MAPK10: variants seen among roughly 807,000 people sequenced by gnomAD.
MAPK10 encodes JNK3 alpha protein kinase.
In MAPK10, 25 loss-of-function variants were observed where a neutral mutation model predicts 59.3. That is an observed-to-expected ratio of 0.42 (90% CI 0.31 to 0.59). The LOEUF (loss-of-function observed/expected upper bound fraction) is 0.59, where lower values mean the gene tolerates loss of function less well. Ranked by LOEUF, MAPK10 falls within the 20% of genes least tolerant of loss-of-function variation. The pLI, the probability that MAPK10 is intolerant of heterozygous loss-of-function variation, is 0.15. For synonymous variants in MAPK10, 190 were observed against 200.5 expected, an observed-to-expected ratio of 0.95 and a Z score of 0.44; for missense variants, 351 against 568.9, an observed-to-expected ratio of 0.62 and a Z score of 3.90.
chr4:86,105,888 C>T (rs1026725321), intron 5 of MAPK10, among the ~76,000 whole-genome samples: 1 of 152,062 alleles, frequency 6.6e-6, no homozygotes, highest in Non-Finnish European at 1.5e-5. Flanking sequence ...CCTATCCCAC[C>T]ATACACTGAC....
At chr4:86,430,808 T>C (rs1747945524) in intron 1 of MAPK10, among the ~76,000 whole-genome samples, 1 of 152,174 alleles carries the variant, frequency 6.6e-6, no homozygotes, top group South Asian at 2.1e-4. Context: ...CAAACGAGGC[T>C]ACAGAGGTAG....
chr4:86,034,347 A>T (rs1346421023), intron 11 of MAPK10, among the ~76,000 whole-genome samples: 1 of 152,238 alleles, frequency 6.6e-6, no homozygotes, highest in Admixed American at 6.5e-5. Context: ...ACAATAACTT[A>T]AAATGGATTA....
intron 2 of MAPK10, among the ~76,000 whole-genome samples, chr4:86,217,846 T>C (rs1343815645): frequency 1.3e-5 from 2 of 152,044 alleles, no homozygotes; most frequent in Non-Finnish European, 2.9e-5. Context: ...TAAATAACAG[T>C]TCACATCACA....
chr4:86,274,536 T>C (rs2094519882), intron 2 of MAPK10, among the ~76,000 whole-genome samples: 1 of 151,890 alleles, frequency 6.6e-6, no homozygotes, highest in Non-Finnish European at 1.5e-5. Context: ...CTAAACCTCC[T>C]TTCCTATCTT....
intron 1 of MAPK10, among the ~76,000 whole-genome samples, chr4:86,489,723 G>T (rs1296120062): frequency 6.6e-6 from 1 of 152,110 alleles, no homozygotes; most frequent in African/African-American, 2.4e-5. Context: ...CTTCTCAAAT[G>T]TACCCAGGCT....
At chr4:86,175,479 TG>T in intron 3 of MAPK10, among the ~76,000 whole-genome samples, 1 of 152,156 alleles carries the variant, frequency 6.6e-6, no homozygotes, top group East Asian at 1.9e-4. Flanking sequence ...GACTGGATCA[TG>T]GGGGTGGTTT....
Position 86,017,422 on chromosome 4 carries a change from C to A in MAPK10, c.1253-52G>T. The A allele has an allele frequency of 6.2e-7, 1 of 1,603,750 alleles. No individual in the cohort carries two copies. Among genetic ancestry groups the A allele is most frequent in the Non-Finnish European group, 8.5e-7 (1 of 1,172,932 alleles). On this transcript the variant is annotated intron_variant, in intron 13 of 13. Transcript: ENST00000641462. This position sits in a 1 kb window ranked among gnomAD's most constrained non-coding sequence, Gnocchi z 4.4. ...TGACTCAATCTAGAACCAGACCCATCTTAATGCCATTCAGGATTCAGGGAT... is the reference window on the plus strand; with the variant it reads ...TGACTCAATCTAGAACCAGACCCATATTAATGCCATTCAGGATTCAGGGAT...
chr4:86,017,505 C>A lies in MAPK10; in HGVS notation c.1253-135G>T. On this transcript the variant is annotated intron_variant, in intron 13 of 13. Transcript: ENST00000641462. The surrounding 1 kb of genome is among the most constrained non-coding windows in gnomAD (Gnocchi z 4.4). ...AATCATTTGGCAAGCCTTTATAGAG[C>A]AGCTGACATAGGGGAGCATATCAAA... 1 of 877,376 alleles carries A rather than the reference C, an allele frequency of 1.1e-6. No homozygotes were observed. The highest frequency in any genetic ancestry group is 1.8e-6 in the Non-Finnish European group (1 of 558,356). The allele number at this position is 877,376 out of a possible 1,614,324, so 54.3% of individuals were successfully genotyped here. A position where few individuals can be genotyped will look rare whatever the true frequency, so the allele number is the denominator to read the frequency against.
intron 3 of MAPK10, chr4:86,191,665 GGGTATCCTGAATACAGCACACC>G (rs1205222088): frequency 3.5e-5 from 5 of 142,710 alleles, no homozygotes; most frequent in Admixed American, 7.4e-5. Flanking sequence ...CATGTGAGAT[GGGTATCCTGAATACAGCACACC>G]GACGGGTCTT....
intron 2 of MAPK10, among the ~76,000 whole-genome samples, chr4:86,208,794 C>G (rs564257832): frequency 6.6e-6 from 1 of 152,182 alleles, no homozygotes; most frequent in South Asian, 2.1e-4. Context: ...AAGAGGAAGT[C>G]AAATTGTCCC....
In MAPK10 at chr4:86,367,658, T is replaced by TTTTTG. The variant is rs969990791; in HGVS notation, c.-121-13019_-121-13015dup. Among the ~76,000 whole-genome samples, 8 of 152,116 alleles carry TTTTTG rather than the reference T, an allele frequency of 5.3e-5. No individual in the cohort carries two copies. The East Asian group carries it at 1.3e-3, about 26-fold the overall frequency. On this transcript the variant is annotated intron_variant, in intron 1 of 13. Coordinates refer to the MAPK10 transcript ENST00000361569. ...CTTATGTAGCAAGCATTTGTTTTTT[T>TTTTTG]TTTTGTTTTGTTTTGTTTTTTTTGG...
At chr4:86,314,085 C>T (rs1320002880) in intron 2 of MAPK10, among the ~76,000 whole-genome samples, 1 of 152,080 alleles carries the variant, frequency 6.6e-6, no homozygotes, top group East Asian at 1.9e-4. Context: ...GAAACAAAAA[C>T]AGTATTTACC....
At chr4:86,300,506 T>C (rs1267576744) in intron 2 of MAPK10, 1 of 152,216 alleles carries the variant, frequency 6.6e-6, no homozygotes, top group Non-Finnish European at 1.5e-5. Context: ...AGAATGATAT[T>C]ATTAAGACTG....
upstream of MAPK10, among the ~76,000 whole-genome samples, chr4:86,457,668 C>A (rs1751356430): frequency 6.6e-6 from 1 of 152,058 alleles, no homozygotes; most frequent in African/African-American, 2.4e-5. Context: ...ATGACACAAA[C>A]AAATGGAAAC....
chr4:86,445,858 A>G (rs1749969340), intron 1 of MAPK10, among the ~76,000 whole-genome samples: 1 of 152,198 alleles, frequency 6.6e-6, no homozygotes, highest in African/African-American at 2.4e-5. Flanking sequence ...TGCAACAAAT[A>G]TTGAAAGAAT....
intron 2 of MAPK10, among the ~76,000 whole-genome samples, chr4:86,270,425 A>G (rs1168965376): frequency 6.6e-6 from 1 of 152,096 alleles, no homozygotes; most frequent in East Asian, 1.9e-4. Flanking sequence ...GAAAAAATGA[A>G]TAAGTACTAT....
intron 9 of MAPK10, among the ~76,000 whole-genome samples, chr4:86,097,544 C>T (rs2054480248): frequency 1.3e-5 from 2 of 151,796 alleles, no homozygotes; most frequent in South Asian, 4.2e-4. Context: ...TGCCAATTTC[C>T]AAAACATCCA....
upstream of MAPK10, among the ~76,000 whole-genome samples, chr4:86,454,792 T>C (rs937556554): frequency 6.6e-6 from 1 of 152,058 alleles, no homozygotes; most frequent in Admixed American, 6.5e-5. Context: ...CCTGGGAAAT[T>C]CATTGCAAAA....
intron 2 of MAPK10, among the ~76,000 whole-genome samples, chr4:86,247,635 C>T (rs1414981250): frequency 7.2e-6 from 1 of 138,582 alleles, no homozygotes; most frequent in Non-Finnish European, 1.5e-5. Flanking sequence ...AATAGATAAA[C>T]ACTGTGTGTG....
Sources: allele counts gnomAD v4.1 joint callset (sites outside exome capture counted in the v4.1 genomes callset), GRCh38; gene constraint gnomAD v4.1.1; non-coding constraint Gnocchi (gnomAD v3.1); transcripts MANE v1.5; gene names NCBI Gene and HGNC (gene_info 2026-07-23, HGNC 2026-07-21).